The following DOCK11 variants were observed in gnomAD, a reference collection of about 807,000 sequenced individuals.
The protein encoded by DOCK11 is dedicator of cytokinesis 11, also known as dedicator of cytokinesis protein 11.
A neutral mutation model predicts 169.1 loss-of-function variants in DOCK11; 70 were observed. The ratio of observed to expected loss-of-function variants is 0.41; its 90% CI spans 0.34 to 0.51. DOCK11 has a LOEUF of 0.51. Among genes scored for constraint, DOCK11 ranks in the 20% least tolerant of loss-of-function variants. DOCK11 has a pLI of 0.10. For missense variants in DOCK11, 1,166 were observed against 1,538.8 expected, an observed-to-expected ratio of 0.76 and a Z score of 4.05; for synonymous variants, 529 against 541.3, an observed-to-expected ratio of 0.98 and a Z score of 0.32.
intron 35 of DOCK11, among the ~76,000 whole-genome samples, chrX:118,634,736 A>G (rs2015342822): frequency 9.0e-6 from 1 of 111,598 alleles, no homozygotes; most frequent in African/African-American, 3.3e-5. Context: ...TTTTTAATTT[A>G]ATTTTTTTTA....
chrX:118,540,271 A>G (rs776873515), intron 1 of DOCK11, among the ~76,000 whole-genome samples: 26 of 110,662 alleles, frequency 2.3e-4, no homozygotes, highest in Middle Eastern at 4.7e-3. Context: ...GACTTAGATT[A>G]TTTTTAGTGC....
chrX:118,623,748 A>G (rs948137140), intron 31 of DOCK11, among the ~76,000 whole-genome samples: 1 of 113,170 alleles, frequency 8.8e-6, no homozygotes, highest in Admixed American at 9.3e-5. Context: ...CATTCTACAT[A>G]TTGACCATTT....
intron 40 of DOCK11, among the ~76,000 whole-genome samples, chrX:118,645,581 C>G (rs1040290632): frequency 1.8e-5 from 2 of 109,294 alleles, no homozygotes; most frequent in African/African-American, 6.7e-5. Context: ...GTAATCCCAG[C>G]TACTCAGGAG....
At chrX:118,531,540 A>AGT (rs201938551) in intron 1 of DOCK11, among the ~76,000 whole-genome samples, 3 of 65,905 alleles carry the variant, frequency 4.6e-5, no homozygotes, top group Middle Eastern at 7.4e-3. Flanking sequence ...AACCATTTGA[A>AGT]GTGTGTATAT....
intron 11 of DOCK11, 148 bp from the exon 12 acceptor site, chrX:118,573,658 T>C: frequency 2.1e-6 from 1 of 465,132 alleles, no homozygotes; most frequent in East Asian, 3.5e-5. Flanking sequence ...AGATAAGCCA[T>C]AATATAATTT....
intron 48 of DOCK11, among the ~76,000 whole-genome samples, chrX:118,677,887 T>G (rs958347419): frequency 2.7e-5 from 3 of 112,128 alleles, no homozygotes; most frequent in African/African-American, 9.7e-5. Context: ...ACTGTATAAA[T>G]GGAAAGGTAA....
intron 20 of DOCK11, among the ~76,000 whole-genome samples, chrX:118,595,163 G>A (rs2014122754): frequency 1.8e-5 from 2 of 111,331 alleles, no homozygotes; most frequent in African/African-American, 6.5e-5. Flanking sequence ...AGCAGGAAGA[G>A]GAAGAAAGGA....
At chrX:118,569,875 G>A (rs1174319923) in intron 10 of DOCK11, among the ~76,000 whole-genome samples, 1 of 111,562 alleles carries the variant, frequency 9.0e-6, no homozygotes, top group Non-Finnish European at 1.9e-5. Flanking sequence ...AGTTGGACGT[G>A]TTAGGCTGTT....
At chrX:118,624,062 T>C (rs2015038093) in intron 31 of DOCK11, among the ~76,000 whole-genome samples, 1 of 112,626 alleles carries the variant, frequency 8.9e-6, no homozygotes, top group Non-Finnish European at 1.9e-5. Context: ...AAGCAAAAAA[T>C]GTTTCCTGAA....
chrX:118,543,031 G>C lies in DOCK11; in HGVS notation c.309+16G>C, dbSNP rs373064966. Reference sequence around the variant, plus strand: ...TGTTAAAGAGGTAAGAGGCTCAAAGGCCACAGAAGAATATTCTTCATATAT... The same window carrying C: ...TGTTAAAGAGGTAAGAGGCTCAAAGCCCACAGAAGAATATTCTTCATATAT... On this transcript the variant is annotated intron_variant, in intron 3 of 52. Coordinates refer to ENST00000276202, the MANE Select transcript of DOCK11 (RefSeq NM_144658.4). 1 of 1,136,838 alleles carries C rather than the reference G, an allele frequency of 8.8e-7. No individual in the cohort carries two copies. 93.7% of individuals were successfully genotyped at this position (1,136,838 alleles called of 1,213,427 possible).
chrX:118,524,567 A>G (rs1048699994), intron 1 of DOCK11, among the ~76,000 whole-genome samples: 3 of 111,765 alleles, frequency 2.7e-5, no homozygotes, highest in Non-Finnish European at 5.6e-5. Flanking sequence ...TAAGTCAGGC[A>G]AAGGACTTAA....
At chrX:118,524,653 G>A (rs1458546651) in intron 1 of DOCK11, among the ~76,000 whole-genome samples, 1 of 111,417 alleles carries the variant, frequency 9.0e-6, no homozygotes, top group Non-Finnish European at 1.9e-5. Flanking sequence ...TTAGTCATCA[G>A]GGAAATACAA....
intron 1 of DOCK11, among the ~76,000 whole-genome samples, chrX:118,541,830 T>A (rs1200531073): frequency 8.9e-6 from 1 of 111,977 alleles, no homozygotes; most frequent in Non-Finnish European, 1.9e-5. Context: ...GTCTGGGTCC[T>A]ACTGTCAATG....
intron 44 of DOCK11, among the ~76,000 whole-genome samples, chrX:118,661,736 A>G (rs1334563577): frequency 2.7e-5 from 3 of 112,019 alleles, no homozygotes; most frequent in Non-Finnish European, 5.6e-5. Context: ...CAGACACAGT[A>G]GGAATGTTTA....
intron 16 of DOCK11, among the ~76,000 whole-genome samples, chrX:118,585,840 T>C (rs756277595): frequency 7.2e-5 from 8 of 111,527 alleles, no homozygotes; most frequent in Non-Finnish European, 1.3e-4. Flanking sequence ...AGGAGAAAAA[T>C]AGAAGACACA....
At chrX:118,647,776 A>AATAATATATAATATATTATAATATATT (rs2015761245) in intron 40 of DOCK11, among the ~76,000 whole-genome samples, 3 of 32,610 alleles carry the variant, frequency 9.2e-5, no homozygotes, top group East Asian at 1.6e-3. Flanking sequence ...TATAATATAT[A>AATAATATATAATATATTATAATATATT]ATAATATATA....
At chrX:118,565,787 C>T (rs868498092) in intron 7 of DOCK11, among the ~76,000 whole-genome samples, 1 of 111,664 alleles carries the variant, frequency 9.0e-6, no homozygotes, top group Admixed American at 9.6e-5. Context: ...CATATTCATA[C>T]TACTGTGCTC....
At chrX:118,532,973 ATTTG>A (rs958636609) in intron 1 of DOCK11, among the ~76,000 whole-genome samples, 29 of 110,627 alleles carry the variant, frequency 2.6e-4, no homozygotes, top group African/African-American at 4.9e-4. Flanking sequence ...TTATTTATTT[ATTTG>A]TTTGTTTGTT....
At chrX:118,618,842 ATTTTTGC>A in intron 31 of DOCK11, 114 bp downstream of exon 31, 1 of 605,015 alleles carries the variant, frequency 1.7e-6, no homozygotes. Context: ...AGGAAAATTT[ATTTTTGC>A]TTCAAATCAT....
Sources: allele counts gnomAD v4.1 joint callset (sites outside exome capture counted in the v4.1 genomes callset), GRCh38; gene constraint gnomAD v4.1.1; transcripts MANE v1.5; gene names NCBI Gene and HGNC (gene_info 2026-07-23, HGNC 2026-07-21).